The following CNTNAP2 variants were observed in gnomAD, a reference collection of about 807,000 sequenced individuals.
CNTNAP2 encodes the protein contactin associated protein 2, also known as contactin-associated protein-like 2.
In CNTNAP2, 98 loss-of-function variants were observed where a neutral mutation model predicts 155.2. The ratio of observed to expected loss-of-function variants is 0.63; its 90% CI spans 0.54 to 0.75. The LOEUF is 0.75. CNTNAP2 is among the 30% of genes least tolerant of loss of function. The probability of loss-of-function intolerance (pLI) is 0.00; values close to 1 mark genes in which losing one functional copy is unlikely to be tolerated. For missense variants in CNTNAP2, 1,727 were observed against 1,688.1 expected (o/e 1.02, Z -0.40); for synonymous variants, 651 against 631.2 (o/e 1.03, Z -0.47).
intron 3 of CNTNAP2, among the ~76,000 whole-genome samples, chr7:146,942,608 T>C (rs1180525519): frequency 6.6e-6 from 1 of 152,006 alleles, no homozygotes; most frequent in Non-Finnish European, 1.5e-5. Flanking sequence ...AAAAGGACAA[T>C]ATATATGCAA....
chr7:148,141,882 C>G (rs1012804038), intron 16 of CNTNAP2, among the ~76,000 whole-genome samples: 2 of 151,988 alleles, frequency 1.3e-5, no homozygotes, highest in African/African-American at 4.8e-5. Context: ...GGGGCAGGAG[C>G]AGTTTCAAAT....
chr7:147,741,446 T>C (rs1052497596), intron 13 of CNTNAP2, among the ~76,000 whole-genome samples: 1 of 152,226 alleles, frequency 6.6e-6, no homozygotes, highest in African/African-American at 2.4e-5. Flanking sequence ...TTATCTTCTA[T>C]GCTGGCATAA....
chr7:147,801,548 G>A (rs980657028), intron 13 of CNTNAP2, among the ~76,000 whole-genome samples: 1 of 151,760 alleles, frequency 6.6e-6, no homozygotes, highest in African/African-American at 2.4e-5. Flanking sequence ...CTGCCTTCAA[G>A]CATCTGTTTA....
chr7:146,283,860 G>T (rs780092938), intron 1 of CNTNAP2, among the ~76,000 whole-genome samples: 1 of 151,926 alleles, frequency 6.6e-6, no homozygotes, highest in Non-Finnish European at 1.5e-5. Flanking sequence ...TGTCTTCTAC[G>T]TCTTCTAAAA....
intron 21 of CNTNAP2, among the ~76,000 whole-genome samples, chr7:148,331,402 T>A (rs1207822283): frequency 1.6e-5 from 2 of 128,878 alleles, no homozygotes; most frequent in African/African-American, 6.2e-5. Flanking sequence ...ATGGAGTGGA[T>A]GGATGGAATG....
intron 15 of CNTNAP2, among the ~76,000 whole-genome samples, chr7:148,055,039 C>T (rs540682484): frequency 2.0e-5 from 3 of 152,034 alleles, no homozygotes; most frequent in Non-Finnish European, 4.4e-5. Flanking sequence ...GACACCACCA[C>T]GCCTGGCTAA....
chr7:146,889,802 G>C (rs1350632595), intron 3 of CNTNAP2, among the ~76,000 whole-genome samples: 2 of 151,984 alleles, frequency 1.3e-5, no homozygotes, highest in African/African-American at 4.8e-5. Context: ...TGTCTGTCTT[G>C]ATCATACTTT....
chr7:146,535,325 A>G (rs1223172655), intron 1 of CNTNAP2, among the ~76,000 whole-genome samples: 1 of 63,148 alleles, frequency 1.6e-5, no homozygotes, highest in Non-Finnish European at 2.4e-5. Flanking sequence ...CATATATATT[A>G]TATATTATAT....
intron 1 of CNTNAP2, among the ~76,000 whole-genome samples, chr7:146,537,171 T>G (rs769635783): frequency 4.6e-5 from 7 of 152,084 alleles, no homozygotes; most frequent in Non-Finnish European, 8.8e-5. Flanking sequence ...GAAATATACA[T>G]GACAATATCT....
intron 3 of CNTNAP2, among the ~76,000 whole-genome samples, chr7:146,964,469 A>G (rs906658034): frequency 2.0e-5 from 3 of 152,230 alleles, no homozygotes; most frequent in Non-Finnish European, 4.4e-5. Context: ...AACACCAAGT[A>G]CAGATCAATT....
At chr7:146,807,075 C>G (rs572471100) in intron 2 of CNTNAP2, among the ~76,000 whole-genome samples, 116 of 152,054 alleles carry the variant, frequency 7.6e-4, no homozygotes, top group Non-Finnish European at 1.4e-3. Flanking sequence ...ATGTAAAAAG[C>G]TTTTGTGAGC....
intron 1 of CNTNAP2, among the ~76,000 whole-genome samples, chr7:146,566,352 A>G (rs1798356501): frequency 6.6e-6 from 1 of 152,220 alleles, no homozygotes; most frequent in East Asian, 1.9e-4. Context: ...TACGAAAATA[A>G]AAGGCATCTC....
At chr7:148,293,069 AAAAAT>A (rs1288175381) in intron 21 of CNTNAP2, among the ~76,000 whole-genome samples, 3 of 105,222 alleles carry the variant, frequency 2.9e-5, no homozygotes, top group Admixed American at 1.1e-4. Flanking sequence ...GTGATTGACA[AAAAAT>A]AAATAAAATA....
intron 10 of CNTNAP2, among the ~76,000 whole-genome samples, chr7:147,434,341 G>A (rs957493647): frequency 4.4e-4 from 67 of 152,154 alleles, no homozygotes; most frequent in Non-Finnish European, 7.8e-4. Flanking sequence ...TTTTCCTCAC[G>A]TTTGTAGTGT....
intron 3 of CNTNAP2, among the ~76,000 whole-genome samples, chr7:146,914,327 G>C (rs1184238766): frequency 6.6e-6 from 1 of 151,918 alleles, no homozygotes; most frequent in Non-Finnish European, 1.5e-5. Context: ...ACGATTACTG[G>C]ATCAAATTGT....
At chr7:148,382,185 A>G (rs1471400595) in intron 21 of CNTNAP2, among the ~76,000 whole-genome samples, 1 of 152,238 alleles carries the variant, frequency 6.6e-6, no homozygotes, top group East Asian at 1.9e-4. Flanking sequence ...CTGGCTGCTC[A>G]GTGGACGCTT....
chr7:147,717,105 C>G, intron 13 of CNTNAP2, among the ~76,000 whole-genome samples: 1 of 151,908 alleles, frequency 6.6e-6, no homozygotes, highest in East Asian at 1.9e-4. Flanking sequence ...GTAGGCCTTT[C>G]TATTTCTAAA....
Position 147,219,860 on chromosome 7 carries a change from C to G in CNTNAP2, c.1349-80281C>G, listed in dbSNP as rs1803353971. Among the ~76,000 whole-genome samples the G allele has an allele frequency of 2.0e-5, 3 of 152,124 alleles. No individual in the cohort carries two copies. The South Asian group carries it at 6.2e-4, about 32-fold the overall frequency. On this transcript the variant is annotated intron_variant, in intron 8 of 23. Coordinates refer to ENST00000361727, the MANE Select transcript of CNTNAP2 (RefSeq NM_014141.6). ...GCGCCATCTCGGCTCACTGCAAGCT[C>G]CGCCTCCCGGGTTCACGCCATGCTT...
chr7:147,577,806 C>A (rs1038554999), intron 12 of CNTNAP2, among the ~76,000 whole-genome samples: 1 of 151,954 alleles, frequency 6.6e-6, no homozygotes, highest in Non-Finnish European at 1.5e-5. Flanking sequence ...AGGCTCACCC[C>A]CTCTGGATAG....
Sources: gnomAD v4.1 joint callset for allele counts (sites outside exome capture counted in the v4.1 genomes callset) on GRCh38, gnomAD v4.1.1 for gene constraint, MANE v1.5 for transcripts, NCBI Gene and HGNC (gene_info 2026-07-23, HGNC 2026-07-21) for gene names.